Variants in ZYG11B observed in about 807,000 individuals in gnomAD.
The protein encoded by ZYG11B is protein zyg-11 homolog B.
ZYG11B carries 36 observed loss-of-function variants against 82.4 expected under a neutral mutation model. The observed-to-expected ratio is 0.44, with a 90% CI of 0.33 to 0.58. The LOEUF is 0.58. Among genes scored for constraint, ZYG11B ranks in the 20% least tolerant of loss-of-function variants. The probability of loss-of-function intolerance (pLI) is 0.02; values close to 1 mark genes in which losing one functional copy is unlikely to be tolerated. For missense variants in ZYG11B, 552 were observed against 895.6 expected (o/e 0.62, Z 4.90); for synonymous variants, 303 against 312.8 (o/e 0.97, Z 0.33).
At chr1:52,751,008 G>T (rs1469684452) in intron 1 of ZYG11B, among the ~76,000 whole-genome samples, 1 of 152,122 alleles carries the variant, frequency 6.6e-6, no homozygotes, top group Non-Finnish European at 1.5e-5. Context: ...CCAGTCATCT[G>T]GTTTTTGTTG....
intron 6 of ZYG11B, among the ~76,000 whole-genome samples, chr1:52,791,932 G>A (rs1183780396): frequency 6.6e-6 from 1 of 152,104 alleles, no homozygotes; most frequent in African/African-American, 2.4e-5. Flanking sequence ...TTTTCTTAAT[G>A]GGCTAGATTA....
At chr1:52,749,909 A>G (rs1047228447) in intron 1 of ZYG11B, among the ~76,000 whole-genome samples, 4 of 152,144 alleles carry the variant, frequency 2.6e-5, no homozygotes, top group Non-Finnish European at 5.9e-5. Flanking sequence ...AAAGATAACT[A>G]GTTGGTTTTT....
At chr1:52,800,911 A>G (rs186320592) in intron 8 of ZYG11B, among the ~76,000 whole-genome samples, 40 of 152,290 alleles carry the variant, frequency 2.6e-4, no homozygotes, top group Non-Finnish European at 5.1e-4. Context: ...TATAGCCACT[A>G]GTATTATGTT....
chr1:52,727,614 G>C (rs1305005793), intron 1 of ZYG11B, among the ~76,000 whole-genome samples: 1 of 152,144 alleles, frequency 6.6e-6, no homozygotes, highest in Non-Finnish European at 1.5e-5. Context: ...TTCATTTGGA[G>C]GCAGAGACCA....
At chr1:52,775,717 A>C (rs1644799011) in intron 3 of ZYG11B, among the ~76,000 whole-genome samples, 1 of 151,678 alleles carries the variant, frequency 6.6e-6, no homozygotes, top group Non-Finnish European at 1.5e-5. Context: ...CAACAAAAAG[A>C]TATCTGTTAA....
At chr1:52,797,329 T>C (rs1297698063) in intron 8 of ZYG11B, among the ~76,000 whole-genome samples, 2 of 71,242 alleles carry the variant, frequency 2.8e-5, no homozygotes, top group Non-Finnish European at 4.5e-5. Context: ...AATATATATA[T>C]TATATATTTA....
chr1:52,747,290 A>G (rs1437123310), intron 1 of ZYG11B, among the ~76,000 whole-genome samples: 1 of 139,856 alleles, frequency 7.2e-6, no homozygotes, highest in Non-Finnish European at 1.5e-5. Context: ...TTTCTGCAAA[A>G]TATTTTTCAC....
intron 1 of ZYG11B, among the ~76,000 whole-genome samples, chr1:52,755,187 TC>T (rs1290271800): frequency 6.6e-6 from 1 of 152,022 alleles, no homozygotes; most frequent in Non-Finnish European, 1.5e-5. Flanking sequence ...GGTCTCGATC[TC>T]CTGACCTCAT....
chr1:52,737,710 C>T (rs887438014), intron 1 of ZYG11B, among the ~76,000 whole-genome samples: 2 of 152,096 alleles, frequency 1.3e-5, no homozygotes, highest in Non-Finnish European at 2.9e-5. Flanking sequence ...TGCAGTGAGC[C>T]AAGATCGTGC....
chr1:52,777,028 G>A (rs1644816143), intron 3 of ZYG11B, among the ~76,000 whole-genome samples: 1 of 152,014 alleles, frequency 6.6e-6, no homozygotes, highest in South Asian at 2.1e-4. Context: ...TGGCCAACAT[G>A]ACGAAATCCC....
At chr1:52,759,416 T>C (rs1558123986) in intron 2 of ZYG11B, among the ~76,000 whole-genome samples, 3 of 152,264 alleles carry the variant, frequency 2.0e-5, no homozygotes, top group East Asian at 1.9e-4. Context: ...ATGCTTTATA[T>C]GGATAAGATA....
At position 52,802,258 on chromosome 1, in the gene ZYG11B, C is replaced by A; in HGVS notation, c.1695+119C>A. 6 of 804,214 alleles carry A rather than the reference C, an allele frequency of 7.5e-6. No homozygotes were observed. In the South Asian group the frequency reaches 1.0e-4, roughly 14 times the overall value. The allele number at this position is 804,214 out of a possible 1,614,324, so 49.8% of individuals were successfully genotyped here. A position where few individuals can be genotyped will look rare whatever the true frequency, so the allele number is the denominator to read the frequency against. On this transcript the variant is annotated intron_variant, in intron 10 of 13. Coordinates refer to ENST00000294353, the MANE Select transcript of ZYG11B (RefSeq NM_024646.3). ...CATAGCCCCTTATCTAAGGCACGGT[C>A]ATTGCTAATTGAGAACTATTCCCAA...
At chr1:52,742,989 C>T (rs1372568961) in intron 1 of ZYG11B, among the ~76,000 whole-genome samples, 2 of 151,810 alleles carry the variant, frequency 1.3e-5, no homozygotes, top group Non-Finnish European at 2.9e-5. Context: ...GGGGGCGCCT[C>T]TGCCCGGCCG....
chr1:52,780,547 A>G (rs772332179), intron 4 of ZYG11B, among the ~76,000 whole-genome samples: 8 of 152,204 alleles, frequency 5.3e-5, no homozygotes, highest in Non-Finnish European at 1.2e-4. Context: ...TTGAAATTCT[A>G]TAAGGTACTT....
intron 3 of ZYG11B, chr1:52,772,630 G>A: frequency 3.0e-6 from 3 of 1,014,540 alleles, no homozygotes; most frequent in Non-Finnish European, 3.1e-6. Context: ...CCCTTCTCAG[G>A]AGCACGCATA....
chr1:52,782,129 G>A (rs1644862227), intron 4 of ZYG11B, among the ~76,000 whole-genome samples: 1 of 150,590 alleles, frequency 6.6e-6, no homozygotes. Context: ...GCAGTGGCAT[G>A]ATCATGGCTC....
intron 1 of ZYG11B, among the ~76,000 whole-genome samples, chr1:52,728,681 A>T (rs1282748375): frequency 6.6e-6 from 1 of 152,202 alleles, no homozygotes; most frequent in African/African-American, 2.4e-5. Flanking sequence ...GGGCCCTTCC[A>T]TTGAGAATGA....
intron 10 of ZYG11B, among the ~76,000 whole-genome samples, chr1:52,809,321 A>G (rs959827675): frequency 3.3e-5 from 5 of 152,132 alleles, no homozygotes; most frequent in Non-Finnish European, 7.4e-5. Context: ...ATTAAACAAT[A>G]CTATTCCATT....
At chr1:52,762,983 G>A (rs944771926) in intron 2 of ZYG11B, among the ~76,000 whole-genome samples, 49 of 141,404 alleles carry the variant, frequency 3.5e-4, no homozygotes, top group African/African-American at 1.1e-3. Flanking sequence ...GATTGGGGGG[G>A]GGGGGTCTAG....
Sources: allele counts gnomAD v4.1 joint callset (sites outside exome capture counted in the v4.1 genomes callset), GRCh38; gene constraint gnomAD v4.1.1; transcripts MANE v1.5; gene names NCBI Gene and HGNC (gene_info 2026-07-23, HGNC 2026-07-21).